The following CA10 variants were observed in gnomAD, a reference collection of about 807,000 sequenced individuals.
The protein encoded by CA10 is carbonic anhydrase 10 (inactive), also known as carbonic anhydrase-related protein 10.
In CA10, 14 loss-of-function variants were observed where a neutral mutation model predicts 44.2. The observed-to-expected ratio is 0.32, with a 90% CI of 0.21 to 0.50. The LOEUF is 0.50. Among genes scored for constraint, CA10 ranks in the 20% least tolerant of loss-of-function variants. The pLI, the probability that CA10 is intolerant of heterozygous loss-of-function variation, is 0.99. For synonymous variants in CA10, 159 were observed against 141.6 expected, an observed-to-expected ratio of 1.12 and a Z score of -0.87; for missense variants, 350 against 409.7, an observed-to-expected ratio of 0.85 and a Z score of 1.26.
intron 1 of CA10, among the ~76,000 whole-genome samples, chr17:52,141,862 T>C (rs529147877): frequency 6.6e-6 from 1 of 152,280 alleles, no homozygotes; most frequent in South Asian, 2.1e-4. Context: ...AATGAGCATG[T>C]TGCATTAGGA....
rs556970878 is a variant in CA10, at chr17:52,104,157, G to A, written c.62-31764C>T. Among the ~76,000 whole-genome samples the A allele has an allele frequency of 2.6e-5, 4 of 151,584 alleles. No individual in the cohort carries two copies. The South Asian group carries it at 6.3e-4, about 24-fold the overall frequency. On this transcript the variant is annotated intron_variant, in intron 1 of 8. Transcript: ENST00000451037. ...CTTCCTCCTTTGGCTCCCATACAAAGGAGGGTGGGGTCCCTCATCACACCT... is the reference window on the plus strand; with the variant it reads ...CTTCCTCCTTTGGCTCCCATACAAAAGAGGGTGGGGTCCCTCATCACACCT...
intron 2 of CA10, among the ~76,000 whole-genome samples, chr17:51,969,804 G>T (rs927239519): frequency 6.6e-6 from 1 of 151,848 alleles, no homozygotes; most frequent in African/African-American, 2.4e-5. Context: ...AAGCAGAAAA[G>T]TCCACTCCAG....
rs1409796800 is a variant in CA10, at chr17:51,630,922, T to TTA, written c.*660_*661dup. The TTA allele has an allele frequency of 9.8e-5, 15 of 152,838 alleles. No individual in the cohort carries two copies. The highest frequency in any genetic ancestry group is 9.8e-4 in the Admixed American group (15 of 15,300). 9.5% of individuals were successfully genotyped at this position (152,838 alleles called of 1,614,324 possible). A position where few individuals can be genotyped will look rare whatever the true frequency, so the allele number is the denominator to read the frequency against. On this transcript the variant is annotated 3_prime_UTR_variant, in exon 9 of 9. Transcript: ENST00000451037. ...CAAAGAGGGAAATAATTCCATTTCC[T>TTA]TATAGTCTGTGGTGATATATATACA...
At chr17:51,864,912 G>A (rs1487171201) in intron 3 of CA10, among the ~76,000 whole-genome samples, 1 of 152,178 alleles carries the variant, frequency 6.6e-6, no homozygotes, top group East Asian at 1.9e-4. Context: ...TTTGAGGAGT[G>A]CAGTTTGGTT....
At chr17:51,995,151 T>A (rs1028920884) in intron 2 of CA10, among the ~76,000 whole-genome samples, 1 of 152,062 alleles carries the variant, frequency 6.6e-6, no homozygotes, top group Non-Finnish European at 1.5e-5. Context: ...TTATGGTTGA[T>A]ACACAAAGTT....
chr17:52,068,959 G>A (rs567556760), intron 2 of CA10, among the ~76,000 whole-genome samples: 1 of 152,348 alleles, frequency 6.6e-6, no homozygotes, highest in Non-Finnish European at 1.5e-5. Flanking sequence ...CAAGGATGAT[G>A]TCTACAGCGT....
intron 4 of CA10, among the ~76,000 whole-genome samples, chr17:51,658,424 G>A (rs141432495): frequency 7.8e-4 from 119 of 152,296 alleles, no homozygotes; most frequent in East Asian, 4.2e-3. Context: ...GAATGGGGGC[G>A]AGGATGCAGA....
intron 3 of CA10, among the ~76,000 whole-genome samples, chr17:51,752,874 G>A (rs376478972): frequency 1.6e-4 from 25 of 152,246 alleles, no homozygotes; most frequent in Admixed American, 9.2e-4. Flanking sequence ...GGCTGAGATC[G>A]CGCCACTGCA....
At chr17:51,665,730 T>C (rs1914181518) in intron 4 of CA10, among the ~76,000 whole-genome samples, 1 of 152,222 alleles carries the variant, frequency 6.6e-6, no homozygotes, top group African/African-American at 2.4e-5. Flanking sequence ...TAAGTATTTG[T>C]GTATCTAAAC....
intron 1 of CA10, among the ~76,000 whole-genome samples, chr17:52,080,222 G>A (rs900752474): frequency 2.0e-5 from 3 of 152,170 alleles, no homozygotes; most frequent in African/African-American, 7.2e-5. Context: ...GGAGGCCAAG[G>A]TGGGCGCATC....
chr17:51,950,345 T>C (rs150618038), intron 2 of CA10, among the ~76,000 whole-genome samples: 1 of 152,146 alleles, frequency 6.6e-6, no homozygotes, highest in Non-Finnish European at 1.5e-5. Flanking sequence ...TCCTTTTCTG[T>C]GCCCTGGGAG....
rs573318604 is a variant in CA10 at position 51,667,217 on chromosome 17, G to A, written c.466-13481C>T. Among the ~76,000 whole-genome samples, 7 of 152,268 alleles carry A rather than the reference G, an allele frequency of 4.6e-5. No individual in the cohort carries two copies. In the South Asian group the frequency reaches 6.2e-4, roughly 14 times the overall value. On this transcript the variant is annotated intron_variant, in intron 4 of 8. Coordinates refer to ENST00000451037, the MANE Select transcript of CA10 (RefSeq NM_020178.5). ...TGAAAAAGGAATTGTGACTTCTGATGGGAGGGCTTTTGGGCCAAGTTAAAT... is the reference window on the plus strand; with the variant it reads ...TGAAAAAGGAATTGTGACTTCTGATAGGAGGGCTTTTGGGCCAAGTTAAAT...
rs533867615 is a variant in CA10 at position 52,028,669 on chromosome 17, C to A, written c.136+43650G>T. ...ACTAAAAATAATACCTGGGTGTGGA[C>A]AAAATAAGAAGGGAGCCATACTCAG... On this transcript the variant is annotated intron_variant, in intron 2 of 8. Transcript: ENST00000451037. Among the ~76,000 whole-genome samples the A allele has an allele frequency of 2.0e-5, 3 of 152,142 alleles. No individual in the cohort carries two copies. The South Asian group carries it at 6.2e-4, about 32-fold the overall frequency.
At chr17:51,866,265 A>G (rs1979542231) in intron 3 of CA10, among the ~76,000 whole-genome samples, 1 of 152,216 alleles carries the variant, frequency 6.6e-6, no homozygotes, top group Non-Finnish European at 1.5e-5. Flanking sequence ...TCCCTTGAGC[A>G]GGAAGAAGAC....
intron 2 of CA10, among the ~76,000 whole-genome samples, chr17:51,962,548 G>T (rs1193940121): frequency 3.9e-5 from 6 of 152,226 alleles, no homozygotes; most frequent in Admixed American, 3.3e-4. Context: ...CAGGCATGTT[G>T]GCCACAACCA....
intron 1 of CA10, among the ~76,000 whole-genome samples, chr17:52,106,881 C>T (rs1045743746): frequency 1.3e-5 from 2 of 152,184 alleles, no homozygotes; most frequent in African/African-American, 2.4e-5. Context: ...TTGACCTATC[C>T]TACAAAAACT....
At chr17:52,074,262 C>T (rs1307069629) in intron 1 of CA10, among the ~76,000 whole-genome samples, 3 of 152,166 alleles carry the variant, frequency 2.0e-5, no homozygotes, top group African/African-American at 7.2e-5. Flanking sequence ...AACCAAACCC[C>T]AAACCTGATA....
intron 2 of CA10, among the ~76,000 whole-genome samples, chr17:51,958,203 G>T (rs1983739921): frequency 6.6e-6 from 1 of 152,018 alleles, no homozygotes; most frequent in Admixed American, 6.6e-5. Flanking sequence ...ACAGATAGTG[G>T]TAGTAGAATT....
intron 1 of CA10, among the ~76,000 whole-genome samples, chr17:52,074,159 C>G (rs1455743922): frequency 2.6e-5 from 4 of 152,068 alleles, no homozygotes; most frequent in Non-Finnish European, 5.9e-5. Context: ...TCTAATGGCC[C>G]TCTTATGAAA....
Sources: allele counts gnomAD v4.1 joint callset (sites outside exome capture counted in the v4.1 genomes callset), GRCh38; gene constraint gnomAD v4.1.1; transcripts MANE v1.5; gene names NCBI Gene and HGNC (gene_info 2026-07-23, HGNC 2026-07-21).